Variants in FAT3 observed in about 807,000 individuals in gnomAD.
FAT3 encodes FAT atypical cadherin 3, also known as protocadherin Fat 3.
FAT3 carries 95 observed loss-of-function variants against 310.2 expected under a neutral mutation model. The ratio of observed to expected loss-of-function variants is 0.31; its 90% confidence interval spans 0.26 to 0.36. The LOEUF is 0.36. Ranked by LOEUF, FAT3 falls within the 10% of genes least tolerant of loss-of-function variation. FAT3 has a pLI of 1.00. For missense variants in FAT3, 5,408 were observed against 5,715.6 expected (o/e 0.95, Z 1.74); for synonymous variants, 2,314 against 2,192.9 (o/e 1.06, Z -1.54).
chr11:92,510,373 C>T (rs748477814), intron 2 of FAT3, among the ~76,000 whole-genome samples: 4 of 152,164 alleles, frequency 2.6e-5, no homozygotes, highest in Non-Finnish European at 1.5e-5. Flanking sequence ...CAAATTAGCA[C>T]CCACCAGAGA....
At chr11:92,644,608 G>T (rs950860005) in intron 3 of FAT3, among the ~76,000 whole-genome samples, 1 of 152,036 alleles carries the variant, frequency 6.6e-6, no homozygotes, top group Non-Finnish European at 1.5e-5. Context: ...ATGAGTTCAC[G>T]GACACATGTG....
chr11:92,628,751 G>A (rs1431835391), intron 3 of FAT3, among the ~76,000 whole-genome samples: 1 of 152,186 alleles, frequency 6.6e-6, no homozygotes, highest in Non-Finnish European at 1.5e-5. Context: ...CCCCAGACAG[G>A]TTTGTAATAT....
intron 3 of FAT3, among the ~76,000 whole-genome samples, chr11:92,666,946 G>A (rs1942973718): frequency 6.6e-6 from 1 of 152,180 alleles, no homozygotes; most frequent in South Asian, 2.1e-4. Context: ...GCATAATCAT[G>A]TGAGTAACCC....
At chr11:92,768,384 G>A (rs905693896) in intron 6 of FAT3, among the ~76,000 whole-genome samples, 2 of 152,234 alleles carry the variant, frequency 1.3e-5, no homozygotes, top group Non-Finnish European at 1.5e-5. Flanking sequence ...TTATTTCAGC[G>A]CAGAAGTAAA....
At chr11:92,704,840 C>T (rs1373752137) in intron 4 of FAT3, among the ~76,000 whole-genome samples, 1 of 152,174 alleles carries the variant, frequency 6.6e-6, no homozygotes, top group East Asian at 1.9e-4. Context: ...CCTGTCCCTG[C>T]CCCTCCTCAC....
chr11:92,764,888 G>A lies in FAT3; in HGVS notation c.3994G>A (p.Val1332Met). Residue 1332 changes from valine to methionine, a missense_variant, in exon 6 of 28, where the codon GTG becomes ATG. Coordinates refer to ENST00000525166, the MANE Select transcript of FAT3 (RefSeq NM_001367949.2). ...CTCCCTGTGTGAGTAGATAAAGGCAGTGGACAATGGGCGCCCACAGAAATC... is the reference window on the plus strand; with the variant it reads ...CTCCCTGTGTGAGTAGATAAAGGCAATGGACAATGGGCGCCCACAGAAATC... ...GSYDILTIKA[V>M]DNGRPQKSST... The A allele has an allele frequency of 6.2e-7, 1 of 1,613,634 alleles. No homozygotes were observed. The highest frequency in any genetic ancestry group is 1.1e-5 in the South Asian group (1 of 91,050).
chr11:92,567,779 C>T (rs934313279), intron 3 of FAT3, among the ~76,000 whole-genome samples: 10 of 152,018 alleles, frequency 6.6e-5, no homozygotes, highest in Non-Finnish European at 1.2e-4. Context: ...AGTAAACTTT[C>T]GCAAGAGCAA....
At chr11:92,471,267 G>GC (rs1048717455) in intron 2 of FAT3, among the ~76,000 whole-genome samples, 1 of 152,064 alleles carries the variant, frequency 6.6e-6, no homozygotes, top group African/African-American at 2.4e-5. Context: ...AAGGGTGAGA[G>GC]CATCTTTAAG....
intron 3 of FAT3, among the ~76,000 whole-genome samples, chr11:92,526,043 G>A (rs1953849888): frequency 1.3e-5 from 2 of 152,168 alleles, no homozygotes; most frequent in East Asian, 1.9e-4. Flanking sequence ...GTGTTGAATC[G>A]GGATTTGACT....
intron 3 of FAT3, among the ~76,000 whole-genome samples, chr11:92,624,134 A>G (rs764594173): frequency 1.3e-5 from 2 of 152,174 alleles, no homozygotes; most frequent in African/African-American, 2.4e-5. Context: ...CATGCACACT[A>G]CTATGGGAGC....
rs575919224 is a variant in FAT3 at position 92,365,487 on chromosome 11, A to G, written c.3292+10083A>G. Among the ~76,000 whole-genome samples, 5 of 151,694 alleles carry G rather than the reference A, an allele frequency of 3.3e-5. No individual in the cohort carries two copies. The South Asian group carries it at 6.3e-4, about 19-fold the overall frequency. On this transcript the variant is annotated intron_variant, in intron 2 of 27. Transcript: ENST00000525166. ...TCCTTTTTCCTTTTTCTTGACCTCT[A>G]CTTCTTCCTTCTCTCATTTCCACAT...
chr11:92,653,560 T>G (rs1942465508), intron 3 of FAT3, among the ~76,000 whole-genome samples: 1 of 152,172 alleles, frequency 6.6e-6, no homozygotes, highest in Non-Finnish European at 1.5e-5. Context: ...TACTAAAATA[T>G]AAATATTCTG....
intron 2 of FAT3, among the ~76,000 whole-genome samples, chr11:92,502,878 A>G (rs1340303318): frequency 2.0e-5 from 3 of 152,048 alleles, no homozygotes; most frequent in South Asian, 2.1e-4. Context: ...TGCTTCTATC[A>G]TTTGCGTGAT....
intron 8 of FAT3, among the ~76,000 whole-genome samples, chr11:92,790,473 A>G (rs1289230625): frequency 6.6e-6 from 1 of 152,234 alleles, no homozygotes; most frequent in Non-Finnish European, 1.5e-5. Context: ...AATGCTCCAA[A>G]CAGACTGACT....
At chr11:92,675,944 G>A (rs1943275694) in intron 3 of FAT3, among the ~76,000 whole-genome samples, 1 of 152,074 alleles carries the variant, frequency 6.6e-6, no homozygotes, top group Admixed American at 6.5e-5. Context: ...GGATGCTGCT[G>A]CCTGGATGTT....
intron 2 of FAT3, among the ~76,000 whole-genome samples, chr11:92,440,524 G>A (rs1051223579): frequency 8.5e-5 from 13 of 152,162 alleles, no homozygotes; most frequent in African/African-American, 3.1e-4. Flanking sequence ...AGAATTGCAA[G>A]CTCTCATATG....
chr11:92,351,024 A>G (rs1003008562), intron 1 of FAT3, among the ~76,000 whole-genome samples: 5 of 152,226 alleles, frequency 3.3e-5, no homozygotes, highest in Non-Finnish European at 5.9e-5. Flanking sequence ...TGGCTAAAAT[A>G]GGAAAAAGTT....
In FAT3 at chr11:92,887,049, T is replaced by C; in HGVS notation, c.12987T>C (p.Asn4329=). ...PGEVTCFAGS[N]KGSNSEVQSL... ...AAGTGACCTGCTTTGCAGGTAGTAA[T>C]AAAGGCAGCAACTCTGAAGTTCAGT... The change falls in exon 25 of 28, where the codon AAT becomes AAC. Residue 4329 remains asparagine (N), a synonymous_variant. Coordinates refer to ENST00000525166, the MANE Select transcript of FAT3 (RefSeq NM_001367949.2). The C allele has an allele frequency of 1.9e-6, 3 of 1,611,578 alleles. No individual in the cohort carries two copies. The highest frequency in any genetic ancestry group is 2.5e-6 in the Non-Finnish European group (3 of 1,179,112).
chr11:92,772,245 G>T (rs974176851), intron 6 of FAT3, among the ~76,000 whole-genome samples: 11 of 152,076 alleles, frequency 7.2e-5, no homozygotes, highest in African/African-American at 2.7e-4. Flanking sequence ...AACCTGAGAA[G>T]TTACATTCTC....
Sources: allele counts gnomAD v4.1 joint callset (sites outside exome capture counted in the v4.1 genomes callset), GRCh38; gene constraint gnomAD v4.1.1; transcripts MANE v1.5; gene names NCBI Gene and HGNC (gene_info 2026-07-23, HGNC 2026-07-21).